The following FSTL4 variants were observed in gnomAD, a reference collection of about 807,000 sequenced individuals.
FSTL4 encodes follistatin like 4.
A neutral mutation model predicts 78.2 loss-of-function variants in FSTL4; 28 were observed. The ratio of observed to expected loss-of-function variants is 0.36; its 90% confidence interval spans 0.27 to 0.49. The LOEUF (loss-of-function observed/expected upper bound fraction) is 0.49, where lower values mean the gene tolerates loss of function less well. FSTL4 is among the 20% of genes least tolerant of loss of function. FSTL4 has a pLI of 0.98. For synonymous variants in FSTL4, 422 were observed against 440.5 expected, an observed-to-expected ratio of 0.96 and a Z score of 0.53; for missense variants, 922 against 1,084.9, an observed-to-expected ratio of 0.85 and a Z score of 2.11.
intron 3 of FSTL4, among the ~76,000 whole-genome samples, chr5:133,522,418 T>C (rs894052127): frequency 2.0e-5 from 3 of 152,212 alleles, no homozygotes; most frequent in Admixed American, 2.0e-4. Context: ...GGCATTGGGA[T>C]TTAAAAAATA....
the FSTL4 span, among the ~76,000 whole-genome samples, chr5:133,699,351 T>A: frequency 6.6e-6 from 1 of 152,078 alleles, no homozygotes; most frequent in Non-Finnish European, 1.5e-5. Flanking sequence ...ACTCCCCCTC[T>A]GCTATAAGGA....
intron 3 of FSTL4, among the ~76,000 whole-genome samples, chr5:133,510,541 C>A (rs1296954462): frequency 1.3e-5 from 2 of 152,090 alleles, no homozygotes; most frequent in Non-Finnish European, 2.9e-5. Context: ...TCCCAGCCTT[C>A]CCTGAGAACA....
At chr5:133,526,324 G>A (rs1349913524) in intron 3 of FSTL4, among the ~76,000 whole-genome samples, 2 of 152,144 alleles carry the variant, frequency 1.3e-5, no homozygotes, top group Non-Finnish European at 2.9e-5. Flanking sequence ...GGTTTTGAGT[G>A]TTGAGGGAAA....
intron 6 of FSTL4, chr5:133,252,127 G>A (rs535512616): frequency 6.6e-6 from 1 of 152,388 alleles, no homozygotes; most frequent in African/African-American, 2.4e-5. Flanking sequence ...CACTACTTAC[G>A]TGGACTGTTA....
the FSTL4 span, among the ~76,000 whole-genome samples, chr5:133,839,997 C>T: frequency 2.0e-5 from 3 of 152,194 alleles, no homozygotes; most frequent in Non-Finnish European, 4.4e-5. Context: ...TGCTAAAGGG[C>T]TGCAGGGGTG....
At chr5:133,569,756 A>T (rs532957737) in intron 2 of FSTL4, among the ~76,000 whole-genome samples, 18 of 152,296 alleles carry the variant, frequency 1.2e-4, no homozygotes, top group Middle Eastern at 3.4e-3. Flanking sequence ...CTACCCCTGT[A>T]TTTCTAAAAC....
At chr5:133,788,059 G>T in the FSTL4 span, among the ~76,000 whole-genome samples, 1 of 152,222 alleles carries the variant, frequency 6.6e-6, no homozygotes, top group African/African-American at 2.4e-5. Flanking sequence ...AACAGAGGGC[G>T]TGTCGGAGGA....
chr5:133,395,939 CCCT>C (rs1339935019), intron 4 of FSTL4, among the ~76,000 whole-genome samples: 1 of 152,110 alleles, frequency 6.6e-6, no homozygotes, highest in Non-Finnish European at 1.5e-5. Context: ...CCTGATTCTC[CCCT>C]TGCTTTTCTA....
chr5:133,225,401 T>C lies in FSTL4; in HGVS notation c.1178-117A>G. The C allele has an allele frequency of 8.0e-7, 1 of 1,251,416 alleles. No homozygotes were observed. The highest frequency in any genetic ancestry group is 1.1e-6 in the Non-Finnish European group (1 of 883,772). The allele number at this position is 1,251,416 out of a possible 1,614,324, so 77.5% of individuals were successfully genotyped here. ...GCCCCTGGGCAGCCAGCAGCCCTGA[T>C]TATACGCCCAGGAAGGGCTGGCACA... is the stretch of plus-strand genomic sequence containing the variant. On this transcript the variant is annotated intron_variant, in intron 9 of 15. Transcript: ENST00000265342. This position sits in a 1 kb window ranked among gnomAD's most constrained non-coding sequence, Gnocchi z 4.6.
chr5:133,557,495 T>C (rs1759814095), intron 3 of FSTL4, among the ~76,000 whole-genome samples: 1 of 152,236 alleles, frequency 6.6e-6, no homozygotes, highest in Non-Finnish European at 1.5e-5. Flanking sequence ...CTTCATGATA[T>C]CCTGACCAGC....
chr5:133,540,176 C>T (rs2112917735), intron 3 of FSTL4, among the ~76,000 whole-genome samples: 1 of 152,146 alleles, frequency 6.6e-6, no homozygotes, highest in South Asian at 2.1e-4. Context: ...CCATCAGATT[C>T]TGGATTTGCC....
chr5:133,498,718 CAAAA>C (rs112128780), intron 3 of FSTL4, among the ~76,000 whole-genome samples: 1 of 127,038 alleles, frequency 7.9e-6, no homozygotes. Flanking sequence ...ACTCAGTCTC[CAAAA>C]AAAAAAAAAG....
the FSTL4 span, among the ~76,000 whole-genome samples, chr5:133,635,619 T>C: frequency 0.38 from 58,190 of 151,870 alleles, 11,708 homozygotes; most frequent in Admixed American, 0.45. Context: ...CAAAATTAGC[T>C]GGGCGTGGTG....
chr5:133,507,961 A>G (rs1257509018), intron 3 of FSTL4, among the ~76,000 whole-genome samples: 3 of 152,194 alleles, frequency 2.0e-5, no homozygotes, highest in Non-Finnish European at 4.4e-5. Flanking sequence ...TTGCTTAATG[A>G]TGGGATCTGT....
the FSTL4 span, among the ~76,000 whole-genome samples, chr5:133,675,222 C>T: frequency 6.6e-6 from 1 of 152,116 alleles, no homozygotes; most frequent in Non-Finnish European, 1.5e-5. Flanking sequence ...GAAGAAACAG[C>T]TAGCACAAAG....
chr5:133,479,860 C>T (rs935689691), intron 3 of FSTL4, among the ~76,000 whole-genome samples: 4 of 152,112 alleles, frequency 2.6e-5, no homozygotes, highest in African/African-American at 9.7e-5. Context: ...CCCAATAAAG[C>T]TGTTAGAAAA....
chr5:133,780,818 G>A, the FSTL4 span, among the ~76,000 whole-genome samples: 6 of 152,156 alleles, frequency 3.9e-5, no homozygotes, highest in South Asian at 1.2e-3. Context: ...TCACACGGCT[G>A]GTAGGAGATG....
the FSTL4 span, among the ~76,000 whole-genome samples, chr5:133,642,973 A>G: frequency 1.3e-5 from 2 of 152,244 alleles, no homozygotes; most frequent in Admixed American, 6.5e-5. Flanking sequence ...TGAGATGCCA[A>G]GATAATTTAG....
chr5:133,276,398 C>T (rs1365427658), intron 6 of FSTL4, among the ~76,000 whole-genome samples: 1 of 152,200 alleles, frequency 6.6e-6, no homozygotes, highest in Non-Finnish European at 1.5e-5. Flanking sequence ...TGGCCTCCCT[C>T]CTGGCTGCTG....
Sources: gnomAD v4.1 joint callset for allele counts (sites outside exome capture counted in the v4.1 genomes callset) on GRCh38, gnomAD v4.1.1 for gene constraint, Gnocchi (gnomAD v3.1) non-coding constraint, MANE v1.5 for transcripts, NCBI Gene and HGNC (gene_info 2026-07-23, HGNC 2026-07-21) for gene names.